The following PLAGL1 variants were observed in gnomAD, a reference collection of about 807,000 sequenced individuals.
The protein encoded by PLAGL1 is PLAG1 like zinc finger 1, also known as zinc finger protein PLAGL1.
In PLAGL1, 1 loss-of-function variant was observed where a neutral mutation model predicts 4.6. That is an observed-to-expected ratio of 0.22 (90% CI 0.08 to 1.03). The LOEUF is 1.03. PLAGL1 is among the 50% of genes least tolerant of loss of function. The pLI, the probability that PLAGL1 is intolerant of heterozygous loss-of-function variation, is 0.58. For synonymous variants in PLAGL1, 240 were observed against 237.8 expected, an observed-to-expected ratio of 1.01 and a Z score of -0.08; for missense variants, 464 against 570.4, an observed-to-expected ratio of 0.81 and a Z score of 1.90.
rs184368535 is a variant in PLAGL1, at chr6:144,048,992, C to A, written c.-151+15476G>T. Reference sequence around the variant, plus strand: ...AATGCTTTCAAAATCAACCAGGTCACCTCTTGAATGCTTTGCTGCTTAGAA... The same window carrying A: ...AATGCTTTCAAAATCAACCAGGTCAACTCTTGAATGCTTTGCTGCTTAGAA... On this transcript the variant is annotated intron_variant, in intron 1 of 3. Coordinates refer to the PLAGL1 transcript ENST00000437412. The surrounding 1 kb of genome is among the most constrained non-coding windows in gnomAD (Gnocchi z 4.8). Among the ~76,000 whole-genome samples the A allele has an allele frequency of 6.6e-5, 10 of 152,244 alleles. No individual in the cohort carries two copies. The highest frequency in any genetic ancestry group is 9.6e-5 in the African/African-American group (4 of 41,458).
rs1786304520 is a variant in PLAGL1 at position 143,975,451 on chromosome 6, CA to C, written c.-543-6474del. 6.6e-6 allele frequency among the ~76,000 whole-genome samples: 1 copy of C among 152,124 alleles called. No individual in the cohort carries two copies. Among genetic ancestry groups the C allele is most frequent in the African/African-American group, 2.4e-5 (1 of 41,416 alleles). ...TAACCTCACAGGGTTTGTGGAGGAT[CA>C]AATTAGATAACTAATATAAAGCTCC... On this transcript the variant is annotated intron_variant, in intron 2 of 7. Transcript: ENST00000674357. This position sits in a 1 kb window ranked among gnomAD's most constrained non-coding sequence, Gnocchi z 5.8.
Position 144,056,334 on chromosome 6 carries a change from A to G in PLAGL1, c.-151+8134T>C, listed in dbSNP as rs1583910245. Among the ~76,000 whole-genome samples, 1 of 152,254 alleles carries G rather than the reference A, an allele frequency of 6.6e-6. No individual in the cohort carries two copies. Among genetic ancestry groups the G allele is most frequent in the African/African-American group, 2.4e-5 (1 of 41,532 alleles). On this transcript the variant is annotated intron_variant, in intron 1 of 3. Transcript: ENST00000437412. This position sits in a 1 kb window ranked among gnomAD's most constrained non-coding sequence, Gnocchi z 4.7. ...ACTGTTCAATCCACACTGACACACC[A>G]TTATCACCCAGCGTCCATGGTTCAC...
In PLAGL1 at chr6:143,966,499, G is replaced by C. The variant is rs1453288301; in HGVS notation, c.-471-301C>G. 1 of 152,200 alleles carries C rather than the reference G, an allele frequency of 6.6e-6. No individual in the cohort carries two copies. Among genetic ancestry groups the C allele is most frequent in the Non-Finnish European group, 1.5e-5 (1 of 68,036 alleles). The allele number at this position is 152,200 out of a possible 1,614,324, so 9.4% of individuals were successfully genotyped here. A position where few individuals can be genotyped will look rare whatever the true frequency, so the allele number is the denominator to read the frequency against. On this transcript the variant is annotated intron_variant, in intron 3 of 7. Coordinates refer to ENST00000674357, the MANE Select transcript of PLAGL1 (RefSeq NM_001317162.2). The surrounding 1 kb of genome is among the most constrained non-coding windows in gnomAD (Gnocchi z 6.0). ...CCCTGACTCAGCACAACATCTTTGT[G>C]CACTCTGATTTGAATATGTGGGGCA...
rs1219233626 is a variant in PLAGL1 at position 143,973,346 on chromosome 6, G to C, written c.-543-4368C>G. Among the ~76,000 whole-genome samples the C allele has an allele frequency of 6.6e-6, 1 of 152,190 alleles. No individual in the cohort carries two copies. Among genetic ancestry groups the C allele is most frequent in the African/African-American group, 2.4e-5 (1 of 41,448 alleles). ...AGAGGGCTCAGCAGACCACCTCATGGTTTAATTCAAATTCATCCGTTTCCT... is the reference window on the plus strand; with the variant it reads ...AGAGGGCTCAGCAGACCACCTCATGCTTTAATTCAAATTCATCCGTTTCCT... On this transcript the variant is annotated intron_variant, in intron 2 of 7. Coordinates refer to ENST00000674357, the MANE Select transcript of PLAGL1 (RefSeq NM_001317162.2). The surrounding 1 kb of genome is among the most constrained non-coding windows in gnomAD (Gnocchi z 6.2).
rs1387703748 is a variant in PLAGL1, at chr6:144,015,576, C to T, written c.-150-46598G>A. Among the ~76,000 whole-genome samples the T allele has an allele frequency of 6.6e-6, 1 of 152,142 alleles. No homozygotes were observed. The highest frequency in any genetic ancestry group is 1.5e-5 in the Non-Finnish European group (1 of 68,000). On this transcript the variant is annotated intron_variant, in intron 1 of 3. Transcript: ENST00000437412. The surrounding 1 kb of genome is among the most constrained non-coding windows in gnomAD (Gnocchi z 4.3). ...TTGAAGAACCCAATAATACAATAAA[C>T]AATACACTTCACTAAATAAGACATG...
In PLAGL1 at chr6:144,064,200, G is replaced by C. The variant is rs569238303; in HGVS notation, c.-151+268C>G. Among the ~76,000 whole-genome samples the C allele has an allele frequency of 6.6e-6, 1 of 152,042 alleles. No individual in the cohort carries two copies. Among genetic ancestry groups the C allele is most frequent in the African/African-American group, 2.4e-5 (1 of 41,410 alleles). ...AGCGCAGAAGCGAAGAGCTGCAGAC[G>C]ACGGAGAAAAGGGAAGCGCGCCCCA... On this transcript the variant is annotated intron_variant, in intron 1 of 3. Coordinates refer to the PLAGL1 transcript ENST00000437412. This position sits in a 1 kb window ranked among gnomAD's most constrained non-coding sequence, Gnocchi z 6.8.
intron 1 of PLAGL1, among the ~76,000 whole-genome samples, chr6:144,043,783 T>A (rs986476469): frequency 2.6e-5 from 4 of 152,232 alleles, no homozygotes; most frequent in African/African-American, 9.6e-5. Flanking sequence ...TCTGGTAGAA[T>A]TTGGCTGTGA....
chr6:143,941,580 G>C lies in PLAGL1; in HGVS notation c.1236C>G (p.Pro412=). The change falls in exon 8 of 8, where the codon CCC becomes CCG. Residue 412 remains proline (P), a synonymous_variant. Coordinates refer to ENST00000674357, the MANE Select transcript of PLAGL1 (RefSeq NM_001317162.2). This position sits in a 1 kb window ranked among gnomAD's most constrained non-coding sequence, Gnocchi z 6.0. ...TLALGPGESL[P]HRLSCLGQQQ... ...GCTGCCCCAGACAGCTTAACCTGTG[G>C]GGCAAAGATTCCCCAGGCCCCAGGG... 1 of 1,605,782 alleles carries C rather than the reference G, an allele frequency of 6.2e-7. No homozygotes were observed. Among genetic ancestry groups the C allele is most frequent in the Non-Finnish European group, 8.5e-7 (1 of 1,175,276 alleles).
At chr6:144,017,215 G>T (rs549732719) in intron 1 of PLAGL1, among the ~76,000 whole-genome samples, 3 of 151,670 alleles carry the variant, frequency 2.0e-5, no homozygotes, top group South Asian at 4.2e-4. Flanking sequence ...TTTTTAAAGC[G>T]CATCGCTTCT....
chr6:143,951,752 G>C (rs1239499752), intron 6 of PLAGL1, among the ~76,000 whole-genome samples: 1 of 152,142 alleles, frequency 6.6e-6, no homozygotes, highest in Non-Finnish European at 1.5e-5. Context: ...TTCCCTCAAA[G>C]ACTAAAACAC....
rs1798695806 is a variant in PLAGL1, at chr6:144,053,084, C to T, written c.-151+11384G>A. Among the ~76,000 whole-genome samples the T allele has an allele frequency of 1.3e-5, 2 of 152,182 alleles. No homozygotes were observed. Among genetic ancestry groups the T allele is most frequent in the Non-Finnish European group, 2.9e-5 (2 of 68,024 alleles). The stretch of plus-strand genomic sequence containing the variant: ...GAAATTATTTATTTTAACTGATGCT[C>T]AACCATATTGGGTCATCCTTATCAG... On this transcript the variant is annotated intron_variant, in intron 1 of 3. Transcript: ENST00000437412. This position sits in a 1 kb window ranked among gnomAD's most constrained non-coding sequence, Gnocchi z 4.0.
At position 143,948,205 on chromosome 6, in the gene PLAGL1, G is replaced by C; in HGVS notation, c.-69C>G. On this transcript the variant is annotated 5_prime_UTR_variant, in exon 7 of 8. Coordinates refer to ENST00000674357, the MANE Select transcript of PLAGL1 (RefSeq NM_001317162.2). The surrounding 1 kb of genome is among the most constrained non-coding windows in gnomAD (Gnocchi z 6.0). ...ATGCTGTGCCATTTAAGCACAAACA[G>C]AACGATGGTGCTGGGCACATCAGCA... The C allele has an allele frequency of 7.0e-7, 1 of 1,423,546 alleles. No homozygotes were observed. Among genetic ancestry groups the C allele is most frequent in the Non-Finnish European group, 9.8e-7 (1 of 1,016,860 alleles). The allele number at this position is 1,423,546 out of a possible 1,614,324, so 88.2% of individuals were successfully genotyped here. A position where few individuals can be genotyped will look rare whatever the true frequency, so the allele number is the denominator to read the frequency against.
Position 144,022,677 on chromosome 6 carries a change from T to C in PLAGL1, c.-151+41791A>G, listed in dbSNP as rs546635875. On this transcript the variant is annotated intron_variant, in intron 1 of 3. Coordinates refer to the PLAGL1 transcript ENST00000437412. This position sits in a 1 kb window ranked among gnomAD's most constrained non-coding sequence, Gnocchi z 4.2. The stretch of plus-strand genomic sequence containing the variant: ...GATCTGATGGTTTTATGAAAGGGAG[T>C]TCCCTTGCACAAGCTCTCTTGCCTG... Among the ~76,000 whole-genome samples, 28 of 152,042 alleles carry C rather than the reference T, an allele frequency of 1.8e-4. No individual in the cohort carries two copies. The highest frequency in any genetic ancestry group is 6.5e-4 in the African/African-American group (27 of 41,450).
chr6:143,986,607 C>G (rs894136362), intron 1 of PLAGL1, among the ~76,000 whole-genome samples: 2 of 152,102 alleles, frequency 1.3e-5, no homozygotes, highest in Non-Finnish European at 2.9e-5. Flanking sequence ...TCTAAAACTC[C>G]AAAGATCATG....
intron 1 of PLAGL1, chr6:144,007,027 T>C (rs1036218169): frequency 6.6e-6 from 1 of 152,212 alleles, no homozygotes; most frequent in Non-Finnish European, 1.5e-5. Flanking sequence ...AACATTGTTC[T>C]TAAGGATGAA....
At chr6:144,043,777 G>A (rs985935473) in intron 1 of PLAGL1, among the ~76,000 whole-genome samples, 18 of 152,146 alleles carry the variant, frequency 1.2e-4, no homozygotes, top group African/African-American at 4.3e-4. Flanking sequence ...TGTAACTCTG[G>A]TAGAATTTGG....
chr6:143,956,329 A>G (rs138349234), intron 6 of PLAGL1, among the ~76,000 whole-genome samples: 4 of 152,302 alleles, frequency 2.6e-5, no homozygotes, highest in African/African-American at 9.6e-5. Context: ...GCCCGGATGG[A>G]AGCAGCCTTG....
rs575903092 is a variant in PLAGL1 at position 143,968,129 on chromosome 6, A to G, written c.-472+778T>C. ...CTTGAACCTAGAATTAATGTATGGGACAGGGAAAAACAACAAACATGTTAG... is the reference window on the plus strand; with the variant it reads ...CTTGAACCTAGAATTAATGTATGGGGCAGGGAAAAACAACAAACATGTTAG... On this transcript the variant is annotated intron_variant, in intron 3 of 7. Coordinates refer to ENST00000674357, the MANE Select transcript of PLAGL1 (RefSeq NM_001317162.2). The surrounding 1 kb of genome is among the most constrained non-coding windows in gnomAD (Gnocchi z 6.3). 2.6e-5 allele frequency: 4 copies of G among 152,112 alleles called. No homozygotes were observed. In the South Asian group the frequency reaches 8.3e-4, roughly 32 times the overall value. 9.4% of individuals were successfully genotyped at this position (152,112 alleles called of 1,614,324 possible). A position where few individuals can be genotyped will look rare whatever the true frequency, so the allele number is the denominator to read the frequency against.
rs1780158314 is a variant in PLAGL1 at position 143,947,997 on chromosome 6, T to C, written c.140A>G (p.Tyr47Cys). 1.2e-6 allele frequency: 2 copies of C among 1,613,942 alleles called. No individual in the cohort carries two copies. The highest frequency in any genetic ancestry group is 1.1e-5 in the South Asian group (1 of 91,082). Residue 47 changes from tyrosine (Y) to cysteine (C), a missense_variant, in exon 7 of 8, where the codon TAT becomes TGT. By Grantham distance (194) the Tyr-to-Cys change is radical. This residue lies in a region of PLAGL1 where 161 missense variants were observed against 196.7 expected (regional missense o/e 0.82). Coordinates refer to ENST00000674357, the MANE Select transcript of PLAGL1 (RefSeq NM_001317162.2). The surrounding 1 kb of genome is among the most constrained non-coding windows in gnomAD (Gnocchi z 4.3). ...CAAAGCCTCTCACCTCATCAATTTA[T>C]ATCTGGAAACAAAGGCTTTGCCACA... ...PDCGKAFVSR[Y>C]KLMRHMATHS...
Sources: allele counts gnomAD v4.1 joint callset (sites outside exome capture counted in the v4.1 genomes callset), GRCh38; gene constraint gnomAD v4.1.1; regional missense constraint gnomAD v4.1.1; non-coding constraint Gnocchi (gnomAD v3.1); transcripts MANE v1.5; gene names NCBI Gene and HGNC (gene_info 2026-07-23, HGNC 2026-07-21).